The following ATP2C1 variants were observed in gnomAD, a reference collection of about 807,000 sequenced individuals.
ATP2C1 encodes the protein calcium-transporting ATPase type 2C member 1.
Under a neutral mutation model 120.5 loss-of-function variants are expected in ATP2C1, and 31 were observed. The observed-to-expected ratio is 0.26, with a 90% confidence interval of 0.19 to 0.35. The LOEUF (loss-of-function observed/expected upper bound fraction) is 0.35. Ranked by LOEUF, ATP2C1 falls within the 10% of genes least tolerant of loss-of-function variation. The pLI is 1.00. For synonymous variants in ATP2C1, 351 were observed against 358.7 expected (o/e 0.98, Z 0.24); for missense variants, 731 against 1,107.5 (o/e 0.66, Z 4.83).
intron 12 of ATP2C1, chr3:130,959,557 G>A (rs866997336): frequency 1.6e-4 from 49 of 308,686 alleles, no homozygotes; most frequent in Middle Eastern, 9.8e-4. Flanking sequence ...TAGATGTCTG[G>A]AATTACTAAT....
chr3:130,871,757 C>T (rs921255515), intron 1 of ATP2C1, among the ~76,000 whole-genome samples: 5 of 152,284 alleles, frequency 3.3e-5, no homozygotes, highest in South Asian at 4.1e-4. Context: ...GGCGGTGGCT[C>T]ACCCCTATAA....
exon 1 of ATP2C1, chr3:130,850,886 G>C (rs2107678851): frequency 7.0e-7 from 1 of 1,422,104 alleles, no homozygotes; most frequent in East Asian, 2.8e-5. Flanking sequence ...ATGCAATTAG[G>C]AGATATTTAT....
intron 2 of ATP2C1, among the ~76,000 whole-genome samples, chr3:130,926,322 A>G (rs541649767): frequency 6.6e-6 from 1 of 152,336 alleles, no homozygotes; most frequent in African/African-American, 2.4e-5. Flanking sequence ...GTATCTACCT[A>G]CAAAGTTCAG....
intron 2 of ATP2C1, among the ~76,000 whole-genome samples, chr3:130,896,593 A>G (rs2069651826): frequency 6.6e-6 from 1 of 152,102 alleles, no homozygotes; most frequent in Non-Finnish European, 1.5e-5. Context: ...TTTATTGTTC[A>G]CTTGCCTTTT....
At chr3:130,926,753 C>T (rs1490894408) in intron 2 of ATP2C1, among the ~76,000 whole-genome samples, 8 of 152,270 alleles carry the variant, frequency 5.3e-5, no homozygotes, top group Non-Finnish European at 2.9e-5. Flanking sequence ...CGCCTTCCAA[C>T]TCCATGTGTA....
At chr3:130,966,951 G>T (rs903054253) in intron 14 of ATP2C1, among the ~76,000 whole-genome samples, 194 bp from the exon 15 acceptor site, 2 of 152,080 alleles carry the variant, frequency 1.3e-5, no homozygotes, top group Admixed American at 1.3e-4. Context: ...ATTGTGATGA[G>T]AATTAGAATC....
intron 2 of ATP2C1, among the ~76,000 whole-genome samples, chr3:130,921,082 T>TC (rs1184259177): frequency 7.4e-4 from 110 of 147,678 alleles, no homozygotes; most frequent in African/African-American, 2.5e-3. Flanking sequence ...TTTCTTTCTT[T>TC]TTTTTTTTTT....
chr3:130,883,624 G>C (rs566319481), intron 1 of ATP2C1, among the ~76,000 whole-genome samples: 16 of 152,040 alleles, frequency 1.1e-4, no homozygotes, highest in Admixed American at 3.9e-4. Context: ...GCTAACTTTT[G>C]TCTCTTTAGT....
At chr3:130,964,212 T>C in intron 13 of ATP2C1, 117 bp downstream of exon 13, 1 of 1,439,832 alleles carries the variant, frequency 6.9e-7, no homozygotes. Context: ...GTTTGGCTTA[T>C]GGCAAAATTG....
chr3:130,862,646 T>C (rs909855533), intron 1 of ATP2C1, among the ~76,000 whole-genome samples: 1 of 152,204 alleles, frequency 6.6e-6, no homozygotes, highest in Non-Finnish European at 1.5e-5. Context: ...CCATAGGACA[T>C]ATTTATATGA....
At chr3:130,996,899 C>T in intron 24 of ATP2C1, 103 bp downstream of exon 24, 1 of 846,624 alleles carries the variant, frequency 1.2e-6, no homozygotes, top group Non-Finnish European at 2.0e-6. Flanking sequence ...GAAAACTTTG[C>T]AGCAAATGTT....
At chr3:130,929,147 T>C (rs1256391951) in intron 2 of ATP2C1, among the ~76,000 whole-genome samples, 1 of 152,170 alleles carries the variant, frequency 6.6e-6, no homozygotes, top group Admixed American at 6.5e-5. Flanking sequence ...CTGTCTCTAG[T>C]TTCCTCATAT....
intron 1 of ATP2C1, among the ~76,000 whole-genome samples, chr3:130,880,990 T>G (rs574651524): frequency 3.3e-5 from 5 of 152,176 alleles, no homozygotes; most frequent in Admixed American, 6.5e-5. Flanking sequence ...ATATCTGACT[T>G]CCAGCAGTTA....
At chr3:130,899,527 G>C (rs536145772) in intron 2 of ATP2C1, 1 of 152,338 alleles carries the variant, frequency 6.6e-6, no homozygotes, top group African/African-American at 2.4e-5. Context: ...GGTTGGTCTT[G>C]CTGTCTCGGG....
chr3:130,956,118 T>A lies in ATP2C1; in HGVS notation c.771T>A (p.Pro257=). The part of the protein sequence containing the change: ...MMQAEEAPKT[P]LQKSMDLLGK... Reference sequence around the variant, plus strand: ...AATTTATCAAGGCACCAAAAACCCCTCTGCAGAAGAGCATGGACCTCTTAG... The same window carrying A: ...AATTTATCAAGGCACCAAAAACCCCACTGCAGAAGAGCATGGACCTCTTAG... Residue 257 remains proline (P), a synonymous_variant, in exon 11 of 28, where the codon CCT becomes CCA. Transcript: ENST00000510168. The A allele has an allele frequency of 6.2e-7, 1 of 1,610,258 alleles. No homozygotes were observed.
chr3:131,008,738 G>C (rs994263067), intron 26 of ATP2C1, among the ~76,000 whole-genome samples: 2 of 152,122 alleles, frequency 1.3e-5, no homozygotes, highest in Non-Finnish European at 2.9e-5. Context: ...GGATTAGAAA[G>C]GAAGTACCAT....
At chr3:130,961,708 G>T (rs1468913925) in intron 12 of ATP2C1, among the ~76,000 whole-genome samples, 2 of 152,112 alleles carry the variant, frequency 1.3e-5, no homozygotes, top group East Asian at 3.9e-4. Flanking sequence ...AGGTTTGTTT[G>T]TTACAGCTTT....
intron 4 of ATP2C1, 68 bp downstream of exon 4, chr3:130,932,206 C>G: frequency 1.0e-6 from 1 of 1,002,480 alleles, no homozygotes; most frequent in South Asian, 1.3e-5. Context: ...TATGTAGTTG[C>G]TTACTTTTGT....
intron 8 of ATP2C1, among the ~76,000 whole-genome samples, chr3:130,942,294 T>C (rs2059957896): frequency 6.6e-6 from 1 of 152,224 alleles, no homozygotes; most frequent in Non-Finnish European, 1.5e-5. Flanking sequence ...CCTTGGATAC[T>C]AGGCTTAACT....
Sources: allele counts gnomAD v4.1 joint callset (sites outside exome capture counted in the v4.1 genomes callset), GRCh38; gene constraint gnomAD v4.1.1; transcripts MANE v1.5; gene names NCBI Gene and HGNC (gene_info 2026-07-23, HGNC 2026-07-21).